DPP10: variants seen among roughly 807,000 people sequenced by gnomAD.
DPP10 encodes inactive dipeptidyl peptidase 10.
Under a neutral mutation model 120.9 loss-of-function variants are expected in DPP10, and 33 were observed. That is an observed-to-expected ratio of 0.27 (90% CI 0.21 to 0.37). DPP10 has a LOEUF of 0.37. Among genes scored for constraint, DPP10 ranks in the 10% least tolerant of loss-of-function variants. The pLI, the probability that DPP10 is intolerant of heterozygous loss-of-function variation, is 1.00. For synonymous variants in DPP10, 337 were observed against 326.1 expected, an observed-to-expected ratio of 1.03 and a Z score of -0.36; for missense variants, 816 against 942.8, an observed-to-expected ratio of 0.87 and a Z score of 1.76.
intron 5 of DPP10, among the ~76,000 whole-genome samples, chr2:115,597,051 A>G (rs1363081351): frequency 6.6e-6 from 1 of 152,200 alleles, no homozygotes; most frequent in Admixed American, 6.5e-5. Context: ...CATGAGAAGC[A>G]GGCACAGCTG....
At chr2:115,414,063 C>T (rs1183539468) in intron 3 of DPP10, among the ~76,000 whole-genome samples, 1 of 152,056 alleles carries the variant, frequency 6.6e-6, no homozygotes, top group Non-Finnish European at 1.5e-5. Context: ...TAGCTTCTCC[C>T]GTCTCTTAAT....
chr2:115,570,578 G>A lies in DPP10; in HGVS notation c.441+44606G>A, dbSNP rs550667288. ...AACTCACTCCTCCACCTGCCATCTCGCTCTGTCATCTTCAGGTGAATGCCA... is the reference window on the plus strand; with the variant it reads ...AACTCACTCCTCCACCTGCCATCTCACTCTGTCATCTTCAGGTGAATGCCA... On this transcript the variant is annotated intron_variant, in intron 5 of 25. Transcript: ENST00000410059. 9.9e-5 allele frequency among the ~76,000 whole-genome samples: 15 copies of A among 152,232 alleles called. No homozygotes were observed. The East Asian group carries it at 2.9e-3, about 29-fold the overall frequency.
At position 115,309,311 on chromosome 2, in the gene DPP10, G is replaced by C. The variant is rs768964178; in HGVS notation, c.133G>C (p.Val45Leu). 1.9e-6 allele frequency: 3 copies of C among 1,613,392 alleles called. No homozygotes were observed. The highest frequency in any genetic ancestry group is 2.2e-5 in the South Asian group (2 of 91,050). The stretch of plus-strand genomic sequence containing the variant: ...TATTGCTCTGCTGGTGATTTTAGTT[G>C]TATGCTCACTCATCACTATGTCAGT... ...IAIALLVILV[V>L]CSLITMSVIL... Residue 45 changes from valine to leucine, a missense_variant, in exon 2 of 26, where the codon GTA becomes CTA. By Grantham distance (32) the Val-to-Leu change is conservative (BLOSUM62 1). This residue lies in a region of DPP10 where 182 missense variants were observed against 207.4 expected (regional missense o/e 0.88). Transcript: ENST00000410059.
intron 1 of DPP10, among the ~76,000 whole-genome samples, chr2:114,621,854 A>C (rs1288603455): frequency 6.6e-6 from 1 of 151,506 alleles, no homozygotes; most frequent in Non-Finnish European, 1.5e-5. Context: ...TCAAAATGCA[A>C]TTTGATTCAA....
intron 21 of DPP10, among the ~76,000 whole-genome samples, chr2:115,828,076 A>G (rs965593363): frequency 5.3e-5 from 8 of 152,050 alleles, no homozygotes; most frequent in African/African-American, 1.9e-4. Context: ...CCAGGTGTGC[A>G]AGTAGTATAT....
At chr2:114,670,343 T>C (rs1375836869) in intron 1 of DPP10, among the ~76,000 whole-genome samples, 2 of 152,130 alleles carry the variant, frequency 1.3e-5, no homozygotes, top group African/African-American at 4.8e-5. Context: ...CGGAATACTA[T>C]GCAGCCATAA....
At chr2:115,064,077 T>C (rs1706643724) in intron 1 of DPP10, among the ~76,000 whole-genome samples, 1 of 152,204 alleles carries the variant, frequency 6.6e-6, no homozygotes, top group Non-Finnish European at 1.5e-5. Context: ...ATTTTTAACT[T>C]TCTCACTTTC....
intron 1 of DPP10, among the ~76,000 whole-genome samples, chr2:114,782,189 A>T (rs319846): frequency 3.3e-5 from 5 of 151,624 alleles, no homozygotes; most frequent in African/African-American, 1.2e-4. Context: ...CATACTAGTC[A>T]TGAGAATGGA....
At chr2:115,191,258 A>G (rs763753909) in intron 1 of DPP10, among the ~76,000 whole-genome samples, 1 of 152,240 alleles carries the variant, frequency 6.6e-6, no homozygotes, top group African/African-American at 2.4e-5. Flanking sequence ...TCGGTGTTTT[A>G]CAGAGCATTG....
chr2:114,488,386 A>G (rs563301305), intron 1 of DPP10, among the ~76,000 whole-genome samples: 1 of 152,288 alleles, frequency 6.6e-6, no homozygotes, highest in South Asian at 2.1e-4. Flanking sequence ...CATGAGGATT[A>G]AGTGAGGACA....
intron 1 of DPP10, among the ~76,000 whole-genome samples, chr2:115,052,814 C>T (rs746345597): frequency 2.0e-4 from 30 of 151,974 alleles, no homozygotes; most frequent in Non-Finnish European, 4.1e-4. Context: ...TAGCCGGACG[C>T]GGTGGCAGGC....
chr2:115,805,330 A>C (rs532009593), intron 19 of DPP10, among the ~76,000 whole-genome samples: 102 of 151,896 alleles, frequency 6.7e-4, no homozygotes, highest in African/African-American at 2.3e-3. Flanking sequence ...GCCATCTGTC[A>C]CCCCTTTCTT....
chr2:114,594,621 G>T (rs1024683563), intron 1 of DPP10, among the ~76,000 whole-genome samples: 8 of 131,984 alleles, frequency 6.1e-5, no homozygotes, highest in Non-Finnish European at 5.2e-5. Flanking sequence ...ATATTTATAT[G>T]CACATATATA....
chr2:115,178,138 G>A (rs1326621688), intron 1 of DPP10, among the ~76,000 whole-genome samples: 1 of 151,980 alleles, frequency 6.6e-6, no homozygotes, highest in East Asian at 1.9e-4. Context: ...GATATTATGT[G>A]CCTCATAATC....
At chr2:114,505,424 G>A (rs1233419149) in intron 1 of DPP10, among the ~76,000 whole-genome samples, 9 of 151,226 alleles carry the variant, frequency 6.0e-5, no homozygotes, top group Non-Finnish European at 5.9e-5. Flanking sequence ...TCTTTTCTTG[G>A]TACAGGGAGA....
intron 1 of DPP10, among the ~76,000 whole-genome samples, chr2:115,116,772 A>G (rs148495431): frequency 0.011 from 1,740 of 152,290 alleles, 24 homozygotes; most frequent in Middle Eastern, 0.02. Context: ...TATTTTCTAT[A>G]ACATTATGCT....
intron 3 of DPP10, among the ~76,000 whole-genome samples, chr2:115,397,295 A>G (rs561224908): frequency 4.6e-5 from 7 of 152,330 alleles, no homozygotes; most frequent in Admixed American, 1.3e-4. Context: ...CTCACTGTGA[A>G]CAAATCAATT....
chr2:115,841,995 T>C (rs1409821083), intron 25 of DPP10, among the ~76,000 whole-genome samples: 1 of 152,218 alleles, frequency 6.6e-6, no homozygotes, highest in Admixed American at 6.5e-5. Context: ...AGTCTACCTT[T>C]TATGGCCAAC....
At chr2:115,039,369 A>G (rs1041038819) in intron 1 of DPP10, among the ~76,000 whole-genome samples, 4 of 152,234 alleles carry the variant, frequency 2.6e-5, no homozygotes, top group Non-Finnish European at 5.9e-5. Context: ...AAACATAGTG[A>G]AATCTTTTAA....
Sources: gnomAD v4.1 joint callset for allele counts (sites outside exome capture counted in the v4.1 genomes callset) on GRCh38, gnomAD v4.1.1 for gene constraint, gnomAD v4.1.1 regional missense constraint, MANE v1.5 for transcripts, NCBI Gene and HGNC (gene_info 2026-07-23, HGNC 2026-07-21) for gene names.